TRIM65: variants seen among roughly 807,000 people sequenced by gnomAD.
TRIM65 encodes the protein tripartite motif containing 65.
In TRIM65, 46 loss-of-function variants were observed where a neutral mutation model predicts 36.1. The ratio of observed to expected loss-of-function variants is 1.27; its 90% CI spans 1.01 to 1.63. The LOEUF (loss-of-function observed/expected upper bound fraction) is 1.63, where lower values mean the gene tolerates loss of function less well. Among genes scored for constraint, TRIM65 ranks in the 40% most tolerant of loss-of-function variants. The probability of loss-of-function intolerance (pLI) is 0.00; values close to 1 mark genes in which losing one functional copy is unlikely to be tolerated. For missense variants in TRIM65, 708 were observed against 696.6 expected (o/e 1.02, Z -0.18); for synonymous variants, 346 against 313.6 (o/e 1.10, Z -1.09).
chr17:75,892,594 G>T, intron 2 of TRIM65, 94 bp from the exon 3 acceptor site: 1 of 1,297,036 alleles, frequency 7.7e-7, no homozygotes, highest in Non-Finnish European at 1.1e-6. Flanking sequence ...CTGAGGGTCA[G>T]GGATGTGGGG....
chr17:75,891,445 C>A, intron 5 of TRIM65, 98 bp from the exon 6 acceptor site: 1 of 1,288,610 alleles, frequency 7.8e-7, no homozygotes, highest in South Asian at 1.3e-5. Context: ...CGCTGAGCAC[C>A]GGCCGTCACC....
chr17:75,881,854 G>A (rs965848654), intron 4 of TRIM65, among the ~76,000 whole-genome samples: 12 of 150,510 alleles, frequency 8.0e-5, no homozygotes, highest in Admixed American at 1.3e-4. Flanking sequence ...AGAGGGAGCC[G>A]GCCTGGGTGT....
In TRIM65 at chr17:75,896,617, C is replaced by A; in HGVS notation, c.321G>T (p.Arg107=). The A allele has an allele frequency of 8.0e-7, 1 of 1,255,372 alleles. No homozygotes were observed. The highest frequency in any genetic ancestry group is 1.0e-6 in the Non-Finnish European group (1 of 1,003,866). 77.8% of individuals were successfully genotyped at this position (1,255,372 alleles called of 1,614,324 possible). A position where few individuals can be genotyped will look rare whatever the true frequency, so the allele number is the denominator to read the frequency against. The change falls in exon 1 of 6, where the codon CGG becomes CGT. Residue 107 remains arginine (R), a synonymous_variant. Coordinates refer to ENST00000269383, the MANE Select transcript of TRIM65 (RefSeq NM_173547.4). Reference sequence around the variant, plus strand: ...CGCTGCACACACAGCGGCCCTCGGTCCGGCAGAAGAGCTCCAGCGGCCGCC... The same window carrying A: ...CGCTGCACACACAGCGGCCCTCGGTACGGCAGAAGAGCTCCAGCGGCCGCC... ...RHGRPLELFC[R]TEGRCVCSVC...
In TRIM65 at chr17:75,882,994, A is replaced by AAC. The variant is rs1555608416; in HGVS notation, c.350-2366_350-2365insGT. ...CCCTGTCTCTGGAAAAAAAAAAAAC[A>AAC]AAAACAAAAAGCAATCCGGTGATGA... On this transcript the variant is annotated intron_variant, in intron 4 of 4. Coordinates refer to the TRIM65 transcript ENST00000591668. Among the ~76,000 whole-genome samples, 8 of 147,950 alleles carry AAC rather than the reference A, an allele frequency of 5.4e-5. 1 individual carries two copies. Among genetic ancestry groups the AAC allele is most frequent in the African/African-American group, 1.8e-4 (7 of 38,174 alleles).
downstream of TRIM65, among the ~76,000 whole-genome samples, chr17:75,884,085 C>T (rs2065188192): frequency 6.6e-6 from 1 of 151,720 alleles, no homozygotes; most frequent in Non-Finnish European, 1.5e-5. Flanking sequence ...TTGCAATGAG[C>T]CGAGATTGGG....
At chr17:75,882,991 A>C (rs56741487) in intron 4 of TRIM65, among the ~76,000 whole-genome samples, 17,439 of 149,432 alleles carry the variant, frequency 0.12, 1,623 homozygotes, top group African/African-American at 0.17. Context: ...AAAAAAAAAA[A>C]ACAAAAACAA....
exon 5 of TRIM65, chr17:75,880,504 C>G (rs903654981): frequency 1.3e-5 from 2 of 150,394 alleles, no homozygotes; most frequent in African/African-American, 5.0e-5. Context: ...AGGGCACGCT[C>G]TACTCCAGTA....
At chr17:75,893,373 C>G (rs1325181559) in intron 1 of TRIM65, among the ~76,000 whole-genome samples, 1 of 152,160 alleles carries the variant, frequency 6.6e-6, no homozygotes, top group Non-Finnish European at 1.5e-5. Flanking sequence ...CAGTTACTTG[C>G]TGGATAAACT....
Position 75,891,844 on chromosome 17 carries a change from T to C in TRIM65, c.954A>G (p.Thr318=), listed in dbSNP as rs1457471074. The C allele has an allele frequency of 3.1e-6, 5 of 1,612,902 alleles. No individual in the cohort carries two copies. The highest frequency in any genetic ancestry group is 4.2e-6 in the Non-Finnish European group (5 of 1,179,408). The change falls in exon 5 of 6, where the codon ACA becomes ACG. Residue 318 remains threonine, a synonymous_variant. Transcript: ENST00000269383. ...APGPLAPVPS[T]VCPLRRKLWQ... ...AGAGTTTCCTCCTCAGTGGACAAAC[T>C]GTGCTTGGGACCGGTGCCAGGGGAC...
Position 75,890,947 on chromosome 17 carries a change from G to A in TRIM65, c.1386C>T (p.Leu462=). 6.4e-7 allele frequency: 1 copy of A among 1,556,998 alleles called. No individual in the cohort carries two copies. The highest frequency in any genetic ancestry group is 1.2e-5 in the South Asian group (1 of 85,094). The change falls in exon 6 of 6, where the codon CTC becomes CTT. Residue 462 remains leucine (L), a synonymous_variant. Transcript: ENST00000269383. ...GMDLDLASGC[L]TFYSLEPQTQ... is the part of the protein sequence containing the mutation. ...TCTGGGGCTCCAGGCTGTAGAAGGT[G>A]AGGCAGCCTGAGGCCAGGTCCAAAT...
chr17:75,887,917 A>G (rs568701024), downstream of TRIM65, among the ~76,000 whole-genome samples: 95 of 152,290 alleles, frequency 6.2e-4, 1 homozygote, highest in African/African-American at 2.1e-3. Context: ...GCACTTTGAG[A>G]GGCCAAGGTG....
At position 75,890,973 on chromosome 17, in the gene TRIM65, C is replaced by G; in HGVS notation, c.1360G>C (p.Asp454His). ...AGGCAGCCTGAGGCCAGGTCCAAAT[C>G]CATGCCCAGGAGCCGCCCTGACACC... ...PGVSGRLLGM[D>H]LDLASGCLTF... Residue 454 changes from aspartate (D) to histidine (H), a missense_variant, in exon 6 of 6, where the codon GAT becomes CAT. Physicochemically the swap from Asp to His is moderately conservative, Grantham distance 81. Transcript: ENST00000269383. 1.3e-6 allele frequency: 2 copies of G among 1,567,550 alleles called. No homozygotes were observed. Among genetic ancestry groups the G allele is most frequent in the Non-Finnish European group, 1.7e-6 (2 of 1,156,506 alleles).
In TRIM65 at chr17:75,892,596, G is replaced by A. The variant is rs1285074453; in HGVS notation, c.511-96C>T. 39 of 1,291,400 alleles carry A rather than the reference G, an allele frequency of 3.0e-5. 2 individuals carry two copies. Among genetic ancestry groups the A allele is most frequent in the Non-Finnish European group, 4.2e-5 (39 of 927,356 alleles). 80.0% of individuals were successfully genotyped at this position (1,291,400 alleles called of 1,614,324 possible). A position where few individuals can be genotyped will look rare whatever the true frequency, so the allele number is the denominator to read the frequency against. On this transcript the variant is annotated intron_variant, in intron 2 of 5. Coordinates refer to ENST00000269383, the MANE Select transcript of TRIM65 (RefSeq NM_173547.4). ...GCTGCCTGCTGGGCTGAGGGTCAGGGATGTGGGGAGGCAGGGTCCCGGGAA... is the reference window on the plus strand; with the variant it reads ...GCTGCCTGCTGGGCTGAGGGTCAGGAATGTGGGGAGGCAGGGTCCCGGGAA...
In TRIM65 at chr17:75,892,326, G is replaced by A. The variant is rs148051812; in HGVS notation, c.685C>T (p.Arg229Cys). Residue 229 changes from arginine to cysteine, a missense_variant, in exon 3 of 6, where the codon CGC (arginine) becomes TGC (cysteine). Coordinates refer to ENST00000269383, the MANE Select transcript of TRIM65 (RefSeq NM_173547.4). ...RLRVHLEAVA[R>C]HGCRIRELLE... The stretch of plus-strand genomic sequence containing the variant: ...AGCTCCCGGATCCTGCAGCCATGGC[G>A]AGCCACAGCCTCCAAATGGACCCGC... 1.1e-4 allele frequency: 178 copies of A among 1,612,638 alleles called. No homozygotes were observed. Among genetic ancestry groups the A allele is most frequent in the African/African-American group, 3.6e-4 (27 of 74,946 alleles).
At chr17:75,888,771 G>C (rs2065229893), downstream of TRIM65, among the ~76,000 whole-genome samples, 1 of 152,170 alleles carries the variant, frequency 6.6e-6, no homozygotes, top group Non-Finnish European at 1.5e-5. Context: ...TTGCTGGAAA[G>C]TCCTTGCCTG....
In TRIM65 at chr17:75,890,738, G is replaced by A. The variant is rs2065251741; in HGVS notation, c.*41C>T. 4 of 1,420,760 alleles carry A rather than the reference G, an allele frequency of 2.8e-6. No individual in the cohort carries two copies. The Admixed American group carries it at 9.8e-5, about 35-fold the overall frequency. 88.0% of individuals were successfully genotyped at this position (1,420,760 alleles called of 1,614,324 possible). On this transcript the variant is annotated 3_prime_UTR_variant, in exon 6 of 6. Transcript: ENST00000269383. ...AGCTGGGCAGCTCTTGGGCACATAG[G>A]CATGGTGGCAGCTATGCCAGGGCTC...
At chr17:75,892,945 G>T in intron 1 of TRIM65, 95 bp from the exon 2 acceptor site, 1 of 1,132,054 alleles carries the variant, frequency 8.8e-7, no homozygotes, top group Non-Finnish European at 1.3e-6. Flanking sequence ...CAGACACCAG[G>T]CAGCCCCTCC....
At chr17:75,893,429 C>T (rs1160394286) in intron 1 of TRIM65, among the ~76,000 whole-genome samples, 1 of 152,152 alleles carries the variant, frequency 6.6e-6, no homozygotes, top group African/African-American at 2.4e-5. Flanking sequence ...AGTTTTGAGA[C>T]TGAGAGGGGA....
In TRIM65 at chr17:75,896,749, G is replaced by C; in HGVS notation, c.189C>G (p.Asn63Lys). The change falls in exon 1 of 6, where the codon AAC becomes AAG. Residue 63 changes from asparagine (N) to lysine (K), a missense_variant. Asn to Lys is a moderately conservative substitution (Grantham distance 94). Coordinates refer to ENST00000269383, the MANE Select transcript of TRIM65 (RefSeq NM_173547.4). ...CCTCCAGCACGCCGCTGAGGGCCAC[G>C]TTGCGGCGCAGCTCGGCGCCGTCGG... The part of the protein sequence containing the change: ...PFPDGAELRR[N>K]VALSGVLEVV... 2.7e-6 allele frequency: 4 copies of C among 1,481,996 alleles called. No homozygotes were observed. Among genetic ancestry groups the C allele is most frequent in the Non-Finnish European group, 3.6e-6 (4 of 1,121,564 alleles). The allele number at this position is 1,481,996 out of a possible 1,614,324, so 91.8% of individuals were successfully genotyped here. A position where few individuals can be genotyped will look rare whatever the true frequency, so the allele number is the denominator to read the frequency against.
Sources: gnomAD v4.1 joint callset for allele counts (sites outside exome capture counted in the v4.1 genomes callset) on GRCh38, gnomAD v4.1.1 for gene constraint, MANE v1.5 for transcripts, NCBI Gene and HGNC (gene_info 2026-07-23, HGNC 2026-07-21) for gene names.